The following HS6ST3 variants were observed in gnomAD, a reference collection of about 807,000 sequenced individuals.
HS6ST3 encodes the protein heparan sulfate 6-O-sulfotransferase 3.
A neutral mutation model predicts 36.7 loss-of-function variants in HS6ST3; 12 were observed. The ratio of observed to expected loss-of-function variants is 0.33; its 90% CI spans 0.21 to 0.53. The LOEUF (loss-of-function observed/expected upper bound fraction) is 0.53, where lower values mean the gene tolerates loss of function less well. HS6ST3 is among the 20% of genes least tolerant of loss of function. The pLI is 0.95. For missense variants in HS6ST3, 584 were observed against 640.9 expected (o/e 0.91, Z 0.96); for synonymous variants, 240 against 257.5 (o/e 0.93, Z 0.65).
At chr13:96,693,762 G>A (rs1203775355) in intron 1 of HS6ST3, among the ~76,000 whole-genome samples, 18 of 152,174 alleles carry the variant, frequency 1.2e-4, no homozygotes, top group Admixed American at 1.2e-3. Flanking sequence ...AGCTGGAATG[G>A]AACACTTTAG....
intron 1 of HS6ST3, among the ~76,000 whole-genome samples, chr13:96,285,771 G>T (rs1301277071): frequency 1.3e-5 from 2 of 152,090 alleles, no homozygotes; most frequent in Non-Finnish European, 2.9e-5. Flanking sequence ...CGCATAACTG[G>T]CAAGTCTTAT....
intron 1 of HS6ST3, among the ~76,000 whole-genome samples, chr13:96,286,640 A>G (rs948771305): frequency 1.3e-5 from 2 of 152,170 alleles, no homozygotes. Context: ...AATTTAGCTT[A>G]GTGTACTTAA....
chr13:96,396,538 G>A (rs1316242848), intron 1 of HS6ST3, among the ~76,000 whole-genome samples: 1 of 152,038 alleles, frequency 6.6e-6, no homozygotes, highest in Non-Finnish European at 1.5e-5. Context: ...ATGTTTCCTT[G>A]ATGTCTTCCT....
At chr13:96,197,007 G>A (rs1329047159) in intron 1 of HS6ST3, among the ~76,000 whole-genome samples, 1 of 152,188 alleles carries the variant, frequency 6.6e-6, no homozygotes, top group Non-Finnish European at 1.5e-5. Context: ...CTTTCTCTGT[G>A]TGACCTCTAG....
chr13:96,302,816 G>T (rs1054709347), intron 1 of HS6ST3, among the ~76,000 whole-genome samples: 1 of 152,116 alleles, frequency 6.6e-6, no homozygotes, highest in African/African-American at 2.4e-5. Context: ...TGCTAAGCTA[G>T]ATGATTTATA....
intron 1 of HS6ST3, among the ~76,000 whole-genome samples, chr13:96,659,095 G>C (rs1413762772): frequency 6.6e-6 from 1 of 152,216 alleles, no homozygotes; most frequent in African/African-American, 2.4e-5. Context: ...AGTAGAAAAT[G>C]ACAGTTTTCT....
intron 1 of HS6ST3, among the ~76,000 whole-genome samples, chr13:96,381,228 GCAGAAC>G (rs2055339001): frequency 2.0e-5 from 3 of 152,086 alleles, no homozygotes; most frequent in Admixed American, 6.6e-5. Flanking sequence ...TTGGTGGTTA[GCAGAAC>G]TAAAATCAGT....
chr13:96,775,460 A>C (rs1877364824), intron 1 of HS6ST3, among the ~76,000 whole-genome samples: 1 of 151,924 alleles, frequency 6.6e-6, no homozygotes, highest in African/African-American at 2.4e-5. Flanking sequence ...AGACACACAT[A>C]GGCTCAAAAT....
At chr13:96,275,024 T>G in intron 1 of HS6ST3, among the ~76,000 whole-genome samples, 1 of 152,180 alleles carries the variant, frequency 6.6e-6, no homozygotes, top group South Asian at 2.1e-4. Context: ...TAGCACAGTG[T>G]TTCACTCATT....
intron 1 of HS6ST3, among the ~76,000 whole-genome samples, chr13:96,514,111 A>G (rs2056062205): frequency 6.6e-6 from 1 of 152,224 alleles, no homozygotes. Context: ...CTGATTTTTC[A>G]AATGGTCGCT....
rs1594748037 is a variant in HS6ST3, at chr13:96,304,159, T to G, written c.707+212590T>G. ...CTCCATCTCAAAAAAAAAAAAAATG[T>G]GATTTTTACCTTTCAAATATTTTCA... On this transcript the variant is annotated intron_variant, in intron 1 of 1. Transcript: ENST00000376705. 2.2e-4 allele frequency among the ~76,000 whole-genome samples: 28 copies of G among 125,316 alleles called. 3 individuals are homozygous for G. Among genetic ancestry groups the G allele is most frequent in the Middle Eastern group, 4.3e-3 (1 of 234 alleles). 82.2% of individuals were successfully genotyped at this position (125,316 alleles called of 152,430 possible). A position where few individuals can be genotyped will look rare whatever the true frequency, so the allele number is the denominator to read the frequency against.
chr13:96,654,385 A>G (rs1190742345), intron 1 of HS6ST3, among the ~76,000 whole-genome samples: 1 of 152,084 alleles, frequency 6.6e-6, no homozygotes. Context: ...TAATTTTTGC[A>G]TAAGGTGTAA....
At chr13:96,106,842 A>T (rs554181735) in intron 1 of HS6ST3, among the ~76,000 whole-genome samples, 1 of 152,362 alleles carries the variant, frequency 6.6e-6, no homozygotes, top group Non-Finnish European at 1.5e-5. Flanking sequence ...GATGTGAATA[A>T]TTATCTTAGA....
intron 1 of HS6ST3, among the ~76,000 whole-genome samples, chr13:96,254,921 C>T (rs944145937): frequency 6.6e-6 from 1 of 152,092 alleles, no homozygotes; most frequent in Admixed American, 6.6e-5. Context: ...TGGCTTTCTC[C>T]ATAGCAGTGA....
At chr13:96,507,109 CTTCT>C (rs2056029653) in intron 1 of HS6ST3, among the ~76,000 whole-genome samples, 1 of 152,114 alleles carries the variant, frequency 6.6e-6, no homozygotes. Context: ...AAATTGGTTT[CTTCT>C]TACTATTTCC....
chr13:96,595,796 G>T (rs2056399398), intron 1 of HS6ST3, among the ~76,000 whole-genome samples: 1 of 148,238 alleles, frequency 6.7e-6, no homozygotes, highest in African/African-American at 2.5e-5. Flanking sequence ...TTTTCTCCAT[G>T]ATCAATTCTG....
intron 1 of HS6ST3, among the ~76,000 whole-genome samples, chr13:96,228,111 T>C (rs990710656): frequency 6.6e-6 from 1 of 152,214 alleles, no homozygotes; most frequent in Non-Finnish European, 1.5e-5. Context: ...TTGTGGGCCA[T>C]ATATTCTCTG....
chr13:96,323,027 C>T (rs1011596576), intron 1 of HS6ST3, among the ~76,000 whole-genome samples: 2 of 152,174 alleles, frequency 1.3e-5, no homozygotes, highest in Non-Finnish European at 2.9e-5. Flanking sequence ...AACCTCCTTG[C>T]ACTGGTTCAT....
At chr13:96,645,153 C>G (rs2056584564) in intron 1 of HS6ST3, among the ~76,000 whole-genome samples, 1 of 151,798 alleles carries the variant, frequency 6.6e-6, no homozygotes, top group African/African-American at 2.4e-5. Flanking sequence ...GGTAAATGTT[C>G]TCACAATGCT....
Sources: allele counts gnomAD v4.1 joint callset (sites outside exome capture counted in the v4.1 genomes callset), GRCh38; gene constraint gnomAD v4.1.1; transcripts MANE v1.5; gene names NCBI Gene and HGNC (gene_info 2026-07-23, HGNC 2026-07-21).